The following VWC2L variants were observed in gnomAD, a reference collection of about 807,000 sequenced individuals.
The protein encoded by VWC2L is von Willebrand factor C domain-containing protein 2-like.
VWC2L carries 10 observed loss-of-function variants against 21.6 expected under a neutral mutation model. That is an observed-to-expected ratio of 0.46 (90% CI 0.29 to 0.78). The LOEUF (loss-of-function observed/expected upper bound fraction) is 0.78. Among genes scored for constraint, VWC2L ranks in the 30% least tolerant of loss-of-function variants. The pLI, the probability that VWC2L is intolerant of heterozygous loss-of-function variation, is 0.10. For missense variants in VWC2L, 209 were observed against 277.1 expected (o/e 0.75, Z 1.74); for synonymous variants, 96 against 94.3 (o/e 1.02, Z -0.10).
intron 3 of VWC2L, among the ~76,000 whole-genome samples, chr2:214,514,112 T>C (rs937710916): frequency 6.6e-6 from 1 of 152,104 alleles, no homozygotes; most frequent in Non-Finnish European, 1.5e-5. Flanking sequence ...CTAAATGTAA[T>C]GCCATGTTAA....
intron 3 of VWC2L, among the ~76,000 whole-genome samples, chr2:214,513,012 C>T (rs1337901493): frequency 2.0e-5 from 3 of 152,064 alleles, no homozygotes; most frequent in African/African-American, 7.3e-5. Context: ...GATAGTCCAA[C>T]TATGATGAGT....
chr2:214,479,811 T>C (rs763110647), intron 3 of VWC2L, among the ~76,000 whole-genome samples: 9 of 152,124 alleles, frequency 5.9e-5, no homozygotes, highest in Non-Finnish European at 1.0e-4. Context: ...ATAATCTGGA[T>C]ATAGAGCAAG....
chr2:214,482,803 A>C (rs1486406285), intron 3 of VWC2L, among the ~76,000 whole-genome samples: 1 of 152,112 alleles, frequency 6.6e-6, no homozygotes, highest in African/African-American at 2.4e-5. Flanking sequence ...CATCAATTTC[A>C]GTCTACTTGA....
intron 3 of VWC2L, among the ~76,000 whole-genome samples, chr2:214,457,500 C>T (rs1397060003): frequency 6.6e-6 from 1 of 152,006 alleles, no homozygotes; most frequent in East Asian, 1.9e-4. Context: ...TGACTGGTTG[C>T]TTTGGTTGTG....
chr2:214,574,932 T>C (rs1227983482), intron 3 of VWC2L, among the ~76,000 whole-genome samples: 1 of 150,906 alleles, frequency 6.6e-6, no homozygotes, highest in East Asian at 2.0e-4. Flanking sequence ...TCAACATTCA[T>C]CTATAATGAG....
At chr2:214,528,946 G>T (rs1319093127) in intron 3 of VWC2L, among the ~76,000 whole-genome samples, 2 of 152,068 alleles carry the variant, frequency 1.3e-5, no homozygotes, top group Non-Finnish European at 2.9e-5. Flanking sequence ...ATATGAAGTT[G>T]CCATTATGCA....
chr2:214,506,931 CAG>C (rs951148430), intron 3 of VWC2L, among the ~76,000 whole-genome samples: 2 of 151,304 alleles, frequency 1.3e-5, no homozygotes, highest in Non-Finnish European at 3.0e-5. Flanking sequence ...AAAATATTAA[CAG>C]AGGTTGTGTC....
intron 3 of VWC2L, among the ~76,000 whole-genome samples, chr2:214,481,941 G>T (rs77542396): frequency 2.0e-3 from 312 of 152,240 alleles, no homozygotes; most frequent in African/African-American, 7.4e-3. Flanking sequence ...CAGGGGAAAA[G>T]AAATGTTCAA....
chr2:214,500,027 T>C (rs1688869510), intron 3 of VWC2L, among the ~76,000 whole-genome samples: 1 of 152,108 alleles, frequency 6.6e-6, no homozygotes, highest in Non-Finnish European at 1.5e-5. Flanking sequence ...GAAGGAAGGG[T>C]ATGTGACTTT....
intron 3 of VWC2L, among the ~76,000 whole-genome samples, chr2:214,537,400 A>C (rs1689551665): frequency 6.6e-6 from 1 of 152,072 alleles, no homozygotes; most frequent in South Asian, 2.1e-4. Context: ...CATTATGCCA[A>C]GTAAAATCAG....
chr2:214,429,386 A>G (rs1043376307), intron 2 of VWC2L, among the ~76,000 whole-genome samples: 2 of 152,192 alleles, frequency 1.3e-5, no homozygotes, highest in Admixed American at 6.5e-5. Context: ...TTTCACAAGT[A>G]TAGGTGTGAT....
At position 214,478,489 on chromosome 2, in the gene VWC2L, AAAC is replaced by A. The variant is rs775476268; in HGVS notation, c.520+41735_520+41737del. 8.5e-5 allele frequency among the ~76,000 whole-genome samples: 13 copies of A among 152,164 alleles called. No homozygotes were observed. The East Asian group carries it at 2.5e-3, about 29-fold the overall frequency. ...ATCTCAAAAAAAAAAAAACAACAAA[AAAC>A]AACGACAACAAAAAAAGACTGGCTG... On this transcript the variant is annotated intron_variant, in intron 3 of 3. Coordinates refer to ENST00000312504, the MANE Select transcript of VWC2L (RefSeq NM_001080500.4).
chr2:214,568,210 A>T (rs571745968), intron 3 of VWC2L, among the ~76,000 whole-genome samples: 8 of 152,164 alleles, frequency 5.3e-5, no homozygotes, highest in Non-Finnish European at 1.2e-4. Flanking sequence ...TATAAACATT[A>T]GTTTCCCACT....
At chr2:214,575,347 T>G (rs914217702) in intron 3 of VWC2L, among the ~76,000 whole-genome samples, 1 of 152,104 alleles carries the variant, frequency 6.6e-6, no homozygotes, top group Non-Finnish European at 1.5e-5. Flanking sequence ...CCTTTACACC[T>G]CAGAGGACAA....
intron 3 of VWC2L, among the ~76,000 whole-genome samples, chr2:214,533,845 A>C (rs1689481680): frequency 6.6e-6 from 1 of 152,174 alleles, no homozygotes; most frequent in Non-Finnish European, 1.5e-5. Flanking sequence ...TAAGGATAAC[A>C]GCAGTCAGAG....
intron 3 of VWC2L, among the ~76,000 whole-genome samples, chr2:214,439,313 G>A (rs1377934417): frequency 1.3e-5 from 2 of 152,000 alleles, no homozygotes; most frequent in Admixed American, 1.3e-4. Flanking sequence ...AATAACTTAA[G>A]TTTCCAACAC....
intron 3 of VWC2L, among the ~76,000 whole-genome samples, chr2:214,572,645 G>A (rs1234119542): frequency 6.6e-6 from 1 of 152,058 alleles, no homozygotes; most frequent in African/African-American, 2.4e-5. Flanking sequence ...AAGGAAGAAG[G>A]GCTAAAACCA....
intron 3 of VWC2L, among the ~76,000 whole-genome samples, chr2:214,466,140 T>C (rs539995045): frequency 3.4e-5 from 2 of 58,790 alleles, no homozygotes; most frequent in South Asian, 7.3e-4. Context: ...CTTTTTTGTG[T>C]AGTTGTTCAT....
chr2:214,560,481 C>T (rs1689949516), intron 3 of VWC2L, among the ~76,000 whole-genome samples: 1 of 152,010 alleles, frequency 6.6e-6, no homozygotes, highest in Admixed American at 6.6e-5. Context: ...GTGTGTTATG[C>T]ATATCAAGCA....
Sources: gnomAD v4.1 joint callset for allele counts (sites outside exome capture counted in the v4.1 genomes callset) on GRCh38, gnomAD v4.1.1 for gene constraint, MANE v1.5 for transcripts, NCBI Gene and HGNC (gene_info 2026-07-23, HGNC 2026-07-21) for gene names.